RFX7: variants seen among roughly 807,000 people sequenced by gnomAD.
RFX7 encodes the protein DNA-binding protein RFX7.
RFX7 carries 26 observed loss-of-function variants against 111.8 expected under a neutral mutation model. The ratio of observed to expected loss-of-function variants is 0.23; its 90% CI spans 0.17 to 0.32. The LOEUF is 0.32. Among genes scored for constraint, RFX7 ranks in the 10% least tolerant of loss-of-function variants. The pLI is 1.00. For missense variants in RFX7, 1,573 were observed against 1,772.9 expected, an observed-to-expected ratio of 0.89 and a Z score of 2.02; for synonymous variants, 624 against 624.4, an observed-to-expected ratio of 1.00 and a Z score of 0.01.
chr15:56,214,046 T>C (rs1363911702), intron 2 of RFX7, among the ~76,000 whole-genome samples: 2 of 152,214 alleles, frequency 1.3e-5, no homozygotes, highest in African/African-American at 4.8e-5. Flanking sequence ...CTCTGTCTTA[T>C]ATCAAGTATC....
At chr15:56,172,940 T>C (rs558449726) in intron 3 of RFX7, among the ~76,000 whole-genome samples, 7 of 151,972 alleles carry the variant, frequency 4.6e-5, no homozygotes, top group Admixed American at 3.9e-4. Context: ...GAACAAAATA[T>C]CAGAAACAAG....
chr15:56,136,837 A>G (rs1263615794), intron 5 of RFX7, among the ~76,000 whole-genome samples: 3 of 145,594 alleles, frequency 2.1e-5, no homozygotes, highest in African/African-American at 7.7e-5. Flanking sequence ...GGGTTGTTGA[A>G]TTTTGTCAAA....
At chr15:56,228,518 T>C (rs2043510984) in intron 2 of RFX7, among the ~76,000 whole-genome samples, 1 of 152,050 alleles carries the variant, frequency 6.6e-6, no homozygotes, top group Non-Finnish European at 1.5e-5. Flanking sequence ...AAACTATGAT[T>C]AAGACACTAA....
At position 56,101,425 on chromosome 15, in the gene RFX7, C is replaced by A. The variant is rs2041751433; in HGVS notation, c.745G>T (p.Val249Leu). The A allele has an allele frequency of 1.2e-6, 2 of 1,612,450 alleles. No homozygotes were observed. Among genetic ancestry groups the A allele is most frequent in the African/African-American group, 1.3e-5 (1 of 74,974 alleles). ...DTVLELARFLVKSHYIGTKSM... is the reference protein window; with the variant it reads ...DTVLELARFLLKSHYIGTKSM... ...TTGGTGCCTATATAGTGACTTTTTA[C>A]AAGGAAGCGGGCTAATTCCAAGACG... The change falls in exon 8 of 10, where the codon GTA (valine) becomes TTA (leucine). Residue 249 changes from valine to leucine, a missense_variant. Coordinates refer to ENST00000559447, the MANE Select transcript of RFX7 (RefSeq NM_022841.7).
chr15:56,207,377 C>T lies in RFX7; in HGVS notation c.162-28074G>A, dbSNP rs79310537. Among the ~76,000 whole-genome samples the T allele has an allele frequency of 5.3e-3, 802 of 152,248 alleles. 5 individuals carry two copies. The highest frequency in any genetic ancestry group is 0.018 in the African/African-American group (766 of 41,542). ...GTGTTGATGGCTACAATCAATGTGA[C>T]TGTACTTAATGCTACTGAACTGTTC... On this transcript the variant is annotated intron_variant, in intron 2 of 9. Transcript: ENST00000559447.
chr15:56,209,519 A>C (rs1398686367), intron 2 of RFX7, among the ~76,000 whole-genome samples: 2 of 152,126 alleles, frequency 1.3e-5, no homozygotes, highest in Non-Finnish European at 2.9e-5. Flanking sequence ...TGCAGGTAAA[A>C]TCAAGTTTTA....
chr15:56,233,435 A>C (rs2043590008), intron 2 of RFX7, among the ~76,000 whole-genome samples: 1 of 152,190 alleles, frequency 6.6e-6, no homozygotes, highest in Non-Finnish European at 1.5e-5. Context: ...TGGGAGCTAC[A>C]ATTCAAGATG....
chr15:56,149,973 G>A (rs1300392174), intron 3 of RFX7, among the ~76,000 whole-genome samples: 2 of 148,462 alleles, frequency 1.3e-5, no homozygotes, highest in Admixed American at 6.8e-5. Flanking sequence ...TGAAATTCTC[G>A]CTGCCAGCAC....
chr15:56,103,534 A>G lies in RFX7; in HGVS notation c.518+20T>C. The G allele has an allele frequency of 6.7e-7, 1 of 1,486,270 alleles. No individual in the cohort carries two copies. The allele number at this position is 1,486,270 out of a possible 1,614,324, so 92.1% of individuals were successfully genotyped here. ...GTGAGAACACAGAGATATTACTAAC[A>G]CCATTCTGGTAAAGGATATTTAGAT... On this transcript the variant is annotated intron_variant, in intron 6 of 9. Coordinates refer to ENST00000559447, the MANE Select transcript of RFX7 (RefSeq NM_022841.7).
intron 3 of RFX7, among the ~76,000 whole-genome samples, chr15:56,168,496 A>C (rs2042808120): frequency 6.6e-6 from 1 of 152,232 alleles, no homozygotes; most frequent in Admixed American, 6.5e-5. Context: ...AGCTGGCGAT[A>C]GCATAGTACA....
Position 56,093,636 on chromosome 15 carries a change from C to G in RFX7, c.4092G>C (p.Gln1364His), listed in dbSNP as rs764191159. 1.2e-6 allele frequency: 2 copies of G among 1,613,798 alleles called. No homozygotes were observed. Among genetic ancestry groups the G allele is most frequent in the East Asian group, 4.5e-5 (2 of 44,876 alleles). ...LSGDSLQTNQ[Q>H]LVGQGASDLT... ...GATCAGATGCTCCCTGACCTACCAG[C>G]TGCTGGTTGGTTTGCAAGCTGTCTC... Residue 1364 changes from glutamine to histidine, a missense_variant, in exon 10 of 10, where the codon CAG (glutamine) becomes CAC (histidine). Physicochemically the swap from Gln to His is conservative, Grantham distance 24. This residue lies in a region of RFX7 where 411 missense variants were observed against 478.1 expected (regional missense o/e 0.86). Coordinates refer to ENST00000559447, the MANE Select transcript of RFX7 (RefSeq NM_022841.7).
intron 3 of RFX7, chr15:56,160,796 G>T (rs1218160506): frequency 3.3e-5 from 5 of 152,000 alleles, no homozygotes; most frequent in African/African-American, 1.2e-4. Context: ...CAGGTATGAG[G>T]ACTCTATTTT....
intron 2 of RFX7, among the ~76,000 whole-genome samples, chr15:56,230,734 C>T (rs2043544837): frequency 6.6e-6 from 1 of 152,158 alleles, no homozygotes. Flanking sequence ...AAGAAAAGGT[C>T]AATGTGTACT....
intron 5 of RFX7, among the ~76,000 whole-genome samples, chr15:56,135,173 C>A (rs1172908764): frequency 6.6e-6 from 1 of 152,088 alleles, no homozygotes; most frequent in Non-Finnish European, 1.5e-5. Context: ...AGTTCTAGAT[C>A]CCTGAGGAAT....
intron 3 of RFX7, among the ~76,000 whole-genome samples, chr15:56,154,514 A>G (rs1343743514): frequency 6.6e-6 from 1 of 152,226 alleles, no homozygotes; most frequent in East Asian, 1.9e-4. Flanking sequence ...AAACCTGAGA[A>G]AAACAAGCAA....
In RFX7 at chr15:56,093,998, C is replaced by T. The variant is rs564940148; in HGVS notation, c.3730G>A (p.Ala1244Thr). The T allele has an allele frequency of 3.7e-5, 60 of 1,613,810 alleles. 1 individual carries two copies. The South Asian group carries it at 6.3e-4, about 17-fold the overall frequency. The change falls in exon 10 of 10, where the codon GCA (alanine) becomes ACA (threonine). Residue 1244 changes from alanine (A) to threonine (T), a missense_variant. This residue lies in a region of RFX7 where 411 missense variants were observed against 478.1 expected (regional missense o/e 0.86). Coordinates refer to ENST00000559447, the MANE Select transcript of RFX7 (RefSeq NM_022841.7). ...TAFPNALQKQ[A>T]NSKKITNVLL... ...ACATTGGTTATTTTTTTACTGTTTGCTTGCTTCTGAAGAGCGTTTGGGAAG... is the reference window on the plus strand; with the variant it reads ...ACATTGGTTATTTTTTTACTGTTTGTTTGCTTCTGAAGAGCGTTTGGGAAG...
In RFX7 at chr15:56,226,319, G is replaced by C. The variant is rs371971900; in HGVS notation, c.161+16806C>G. On this transcript the variant is annotated intron_variant, in intron 2 of 9. Coordinates refer to ENST00000559447, the MANE Select transcript of RFX7 (RefSeq NM_022841.7). ...AGTCTACCTATCATAGTGACTATCA[G>C]GAAAGGTGGGGAATTCATGATTAAT... Among the ~76,000 whole-genome samples, 2 of 152,196 alleles carry C rather than the reference G, an allele frequency of 1.3e-5. 1 individual carries two copies.
At chr15:56,196,228 C>CT (rs1386182136) in intron 2 of RFX7, among the ~76,000 whole-genome samples, 1 of 151,880 alleles carries the variant, frequency 6.6e-6, no homozygotes, top group Non-Finnish European at 1.5e-5. Context: ...CAACTTTTTC[C>CT]TTTTTTCTTT....
At chr15:56,245,056 A>G (rs961457992), upstream of RFX7, among the ~76,000 whole-genome samples, 7 of 152,104 alleles carry the variant, frequency 4.6e-5, 1 homozygote, top group Admixed American at 3.3e-4. Context: ...TAGAGTGTCT[A>G]TCAGGTTTCT....
Sources: allele counts gnomAD v4.1 joint callset (sites outside exome capture counted in the v4.1 genomes callset), GRCh38; gene constraint gnomAD v4.1.1; regional missense constraint gnomAD v4.1.1; transcripts MANE v1.5; gene names NCBI Gene and HGNC (gene_info 2026-07-23, HGNC 2026-07-21).